ARHGEF10L: variants seen among roughly 807,000 people sequenced by gnomAD.
ARHGEF10L encodes the protein Rho guanine nucleotide exchange factor 10 like, also known as rho guanine nucleotide exchange factor 10-like protein.
Under a neutral mutation model 141.2 loss-of-function variants are expected in ARHGEF10L, and 69 were observed. That is an observed-to-expected ratio of 0.49 (90% CI 0.40 to 0.60). ARHGEF10L has a LOEUF of 0.60. Among genes scored for constraint, ARHGEF10L ranks in the 20% least tolerant of loss-of-function variants. The pLI is 0.00. For missense variants in ARHGEF10L, 1,482 were observed against 1,734.3 expected (o/e 0.85, Z 2.58); for synonymous variants, 711 against 718.5 (o/e 0.99, Z 0.17).
At chr1:17,660,009 G>A (rs917847279) in intron 25 of ARHGEF10L, among the ~76,000 whole-genome samples, 2 of 152,228 alleles carry the variant, frequency 1.3e-5, no homozygotes, top group African/African-American at 4.8e-5. Flanking sequence ...CAGTCACTCT[G>A]CTGTCCTCAG....
chr1:17,648,120 A>T (rs554512240), intron 21 of ARHGEF10L, among the ~76,000 whole-genome samples: 53 of 152,230 alleles, frequency 3.5e-4, no homozygotes, highest in African/African-American at 1.2e-3. Flanking sequence ...TCTGTCTCCT[A>T]CTCTGCAACA....
chr1:17,519,350 C>G, the ARHGEF10L span, among the ~76,000 whole-genome samples: 18 of 150,422 alleles, frequency 1.2e-4, no homozygotes, highest in African/African-American at 4.2e-4. Flanking sequence ...TGGCTCACAG[C>G]TATAATCCCA....
intron 21 of ARHGEF10L, among the ~76,000 whole-genome samples, chr1:17,646,958 G>A (rs1195741324): frequency 7.2e-5 from 11 of 151,948 alleles, no homozygotes; most frequent in Admixed American, 7.2e-4. Context: ...GGAACGGCGA[G>A]GCCAGGTGTA....
intron 4 of ARHGEF10L, among the ~76,000 whole-genome samples, chr1:17,593,028 C>T (rs909036757): frequency 1.3e-5 from 2 of 152,202 alleles, no homozygotes; most frequent in Non-Finnish European, 2.9e-5. Flanking sequence ...CTCCCAGTTT[C>T]CAATCAGAGC....
chr1:17,578,332 C>T (rs1258794917), intron 1 of ARHGEF10L, among the ~76,000 whole-genome samples: 2 of 152,234 alleles, frequency 1.3e-5, no homozygotes, highest in East Asian at 3.9e-4. Context: ...GAGTTTTCAG[C>T]GTGGGTCTAA....
At chr1:17,611,778 G>A (rs1259555033) in intron 7 of ARHGEF10L, among the ~76,000 whole-genome samples, 6 of 152,224 alleles carry the variant, frequency 3.9e-5, no homozygotes, top group Non-Finnish European at 8.8e-5. Context: ...TCTCTAGCTA[G>A]TAAGCAGAGA....
Position 17,625,994 on chromosome 1 carries a change from C to G in ARHGEF10L, c.1356C>G (p.Tyr452Ter). 2 of 1,613,968 alleles carry G rather than the reference C, an allele frequency of 1.2e-6. No homozygotes were observed. Among genetic ancestry groups the G allele is most frequent in the Non-Finnish European group, 1.7e-6 (2 of 1,179,884 alleles). ...GCAGCCCAGACCGTGTCACCCTCTACGGGCTGATGGTCAAGCCCATCCAGA... is the reference window on the plus strand; with the variant it reads ...GCAGCCCAGACCGTGTCACCCTCTAGGGGCTGATGGTCAAGCCCATCCAGA... ...QVCSPDRVTL[Y>*]GLMVKPIQRF... The change falls in exon 14 of 29, where the codon TAC becomes TAG. Residue 452 changes from tyrosine (Y) to a stop codon, truncating the protein, a stop_gained. Transcript: ENST00000361221. LOFTEE classifies it high-confidence loss of function. This position sits in a 1 kb window ranked among gnomAD's most constrained non-coding sequence, Gnocchi z 4.5.
At chr1:17,687,469 A>T (rs2064700655) in intron 26 of ARHGEF10L, 104 bp from the exon 27 acceptor site, 1 of 1,306,574 alleles carries the variant, frequency 7.7e-7, no homozygotes, top group Non-Finnish European at 1.1e-6. Context: ...GAGTAGCTTG[A>T]GCTTTTGAAG....
rs193125844 is a variant in ARHGEF10L at position 17,649,074 on chromosome 1, G to T, written c.2394+399G>T. ...TGCCCTCATCATGGAATGCTCCAGC[G>T]CCATCAGGCCTCCCGTGTATTGAGC... On this transcript the variant is annotated intron_variant, in intron 22 of 28. Transcript: ENST00000361221. Among the ~76,000 whole-genome samples the T allele has an allele frequency of 2.1e-3, 318 of 152,308 alleles. 4 individuals are homozygous for T. The highest frequency in any genetic ancestry group is 3.7e-3 in the East Asian group (19 of 5,168).
chr1:17,544,907 G>A (rs1424992963), intron 1 of ARHGEF10L, among the ~76,000 whole-genome samples: 1 of 152,146 alleles, frequency 6.6e-6, no homozygotes, highest in Non-Finnish European at 1.5e-5. Context: ...CTGTGTAAGG[G>A]AACTGTCCTT....
Position 17,632,416 on chromosome 1 carries a change from T to C in ARHGEF10L, c.1680T>C (p.Arg560=). 6.2e-7 allele frequency: 1 copy of C among 1,614,158 alleles called. No individual in the cohort carries two copies. The highest frequency in any genetic ancestry group is 8.5e-7 in the Non-Finnish European group (1 of 1,180,022). Residue 560 remains arginine (R), a synonymous_variant, in exon 16 of 29, where the codon CGT becomes CGC. Transcript: ENST00000361221. ...DRGQLIKSKE[R]RVFLLNDMLV... is the part of the protein sequence containing the mutation. Reference sequence around the variant, plus strand: ...GGCAGCTAATTAAGTCCAAGGAGCGTCGGGTCTTCCTGCTCAACGACATGC... The same window carrying C: ...GGCAGCTAATTAAGTCCAAGGAGCGCCGGGTCTTCCTGCTCAACGACATGC...
rs567942256 is a variant in ARHGEF10L at position 17,590,988 on chromosome 1, AAAACAAACAAAC to A, written c.257+2513_257+2524del. On this transcript the variant is annotated intron_variant, in intron 4 of 28. Transcript: ENST00000361221. ...TGTGACAAAGCGATACTCTGTCTCA[AAAACAAACAAAC>A]AAAGAAACAAAACCAACCAAAGAAT... 3.3e-5 allele frequency among the ~76,000 whole-genome samples: 5 copies of A among 152,328 alleles called. No homozygotes were observed. In the South Asian group the frequency reaches 1.0e-3, roughly 32 times the overall value.
In ARHGEF10L at chr1:17,607,788, C is replaced by T. The variant is rs763761197; in HGVS notation, c.434-14C>T. The T allele has an allele frequency of 6.2e-5, 96 of 1,550,174 alleles. No individual in the cohort carries two copies. Among genetic ancestry groups the T allele is most frequent in the Non-Finnish European group, 6.5e-5 (75 of 1,152,298 alleles). On this transcript the variant is annotated splice_polypyrimidine_tract_variant and intron_variant, in intron 6 of 28. Transcript: ENST00000361221. This position sits in a 1 kb window ranked among gnomAD's most constrained non-coding sequence, Gnocchi z 4.5. ...CTCAGGGCCTGGGCTCACCGGCTGC[C>T]GCTTGGCCAGCAGGGGCAGAGAGGA...
chr1:17,627,231 C>A lies in ARHGEF10L; in HGVS notation c.1411-99C>A. The A allele has an allele frequency of 1.4e-6, 2 of 1,458,738 alleles. No homozygotes were observed. The highest frequency in any genetic ancestry group is 2.0e-5 in the Admixed American group (1 of 50,348). 90.4% of individuals were successfully genotyped at this position (1,458,738 alleles called of 1,614,324 possible). The stretch of plus-strand genomic sequence containing the variant: ...GGCCTCAGGCCGGGCCCTTTGCAGA[C>A]CCAGTGTGTGTAGGGGGTTGCGCAG... On this transcript the variant is annotated intron_variant, in intron 14 of 28. Transcript: ENST00000361221. This position sits in a 1 kb window ranked among gnomAD's most constrained non-coding sequence, Gnocchi z 4.0.
At chr1:17,618,097 G>A (rs1022639626) in intron 9 of ARHGEF10L, among the ~76,000 whole-genome samples, 7 of 152,192 alleles carry the variant, frequency 4.6e-5, no homozygotes, top group African/African-American at 1.7e-4. Flanking sequence ...TCTGCATTTT[G>A]GGGAGCACTG....
At chr1:17,662,562 C>A (rs1015587447) in intron 25 of ARHGEF10L, among the ~76,000 whole-genome samples, 1 of 152,050 alleles carries the variant, frequency 6.6e-6, no homozygotes, top group Non-Finnish European at 1.5e-5. Context: ...TGCTTCTTTG[C>A]GGAGCTTGGA....
At chr1:17,610,242 G>A (rs2059476577) in intron 7 of ARHGEF10L, among the ~76,000 whole-genome samples, 1 of 152,182 alleles carries the variant, frequency 6.6e-6, no homozygotes, top group Non-Finnish European at 1.5e-5. Context: ...CCGGTAATCT[G>A]CCTTTTAAGC....
intron 1 of ARHGEF10L, among the ~76,000 whole-genome samples, chr1:17,578,295 T>C (rs1416201027): frequency 2.0e-5 from 3 of 152,176 alleles, no homozygotes; most frequent in Admixed American, 2.0e-4. Flanking sequence ...TCCAAAATCC[T>C]TTGCTGAAGT....
chr1:17,544,292 A>ATGAG (rs2076838849), intron 1 of ARHGEF10L, among the ~76,000 whole-genome samples: 1 of 126,998 alleles, frequency 7.9e-6, no homozygotes. Flanking sequence ...ATATATATAT[A>ATGAG]ATAATTTTTT....
Sources: gnomAD v4.1 joint callset for allele counts (sites outside exome capture counted in the v4.1 genomes callset) on GRCh38, gnomAD v4.1.1 for gene constraint, Gnocchi (gnomAD v3.1) non-coding constraint, MANE v1.5 for transcripts, NCBI Gene and HGNC (gene_info 2026-07-23, HGNC 2026-07-21) for gene names.